The following FRMPD4 variants were observed in gnomAD, a reference collection of about 807,000 sequenced individuals.
The protein encoded by FRMPD4 is FERM and PDZ domain containing 4, also known as FERM and PDZ domain-containing protein 4.
A neutral mutation model predicts 94.1 loss-of-function variants in FRMPD4; 22 were observed. The ratio of observed to expected loss-of-function variants is 0.23; its 90% CI spans 0.17 to 0.33. The LOEUF (loss-of-function observed/expected upper bound fraction) is 0.33, where lower values mean the gene tolerates loss of function less well. Among genes scored for constraint, FRMPD4 ranks in the 10% least tolerant of loss-of-function variants. FRMPD4 has a pLI of 1.00. For missense variants in FRMPD4, 1,111 were observed against 1,339.9 expected, an observed-to-expected ratio of 0.83 and a Z score of 2.67; for synonymous variants, 631 against 548.6, an observed-to-expected ratio of 1.15 and a Z score of -2.10.
At chrX:12,717,198 G>T in intron 15 of FRMPD4, 65 bp downstream of exon 15, 1 of 736,499 alleles carries the variant, frequency 1.4e-6, no homozygotes, top group Middle Eastern at 4.4e-4. Flanking sequence ...CAAGCCATTT[G>T]CCCCTGGAGT....
intron 1 of FRMPD4, among the ~76,000 whole-genome samples, chrX:12,314,537 A>G (rs1477263780): frequency 1.8e-5 from 2 of 111,838 alleles, no homozygotes; most frequent in Non-Finnish European, 3.8e-5. Flanking sequence ...TAAAGGATGC[A>G]TAAAAATTAT....
At chrX:11,855,773 C>A (rs866706782) in intron 1 of FRMPD4, among the ~76,000 whole-genome samples, 9 of 111,955 alleles carry the variant, frequency 8.0e-5, no homozygotes, top group African/African-American at 2.9e-4. Flanking sequence ...CTTCTGAGCC[C>A]TTCAAGTTTC....
chrX:11,853,652 C>A (rs1443136236), intron 1 of FRMPD4, among the ~76,000 whole-genome samples: 3 of 111,409 alleles, frequency 2.7e-5, no homozygotes, highest in Non-Finnish European at 5.7e-5. Context: ...TACCTGGACA[C>A]TTACACCCTC....
intron 3 of FRMPD4, among the ~76,000 whole-genome samples, chrX:11,984,642 T>G (rs1207080594): frequency 8.9e-6 from 1 of 112,397 alleles, no homozygotes; most frequent in African/African-American, 3.2e-5. Flanking sequence ...GTTAATCATT[T>G]GTCCTCTTCA....
chrX:11,827,918 A>T (rs1403505327), intron 1 of FRMPD4, among the ~76,000 whole-genome samples: 1 of 111,972 alleles, frequency 8.9e-6, no homozygotes, highest in African/African-American at 3.2e-5. Context: ...TGGCAACATG[A>T]TATAAACAGG....
intron 1 of FRMPD4, among the ~76,000 whole-genome samples, chrX:12,226,589 C>T (rs1220674602): frequency 9.0e-6 from 1 of 111,200 alleles, no homozygotes; most frequent in Admixed American, 9.6e-5. Flanking sequence ...GCAGAAGACA[C>T]GATACCTGTG....
chrX:12,553,466 A>ATATATATC lies in FRMPD4; in HGVS notation c.158+54671_158+54672insATATATCT, dbSNP rs368999462. On this transcript the variant is annotated intron_variant, in intron 2 of 16. Coordinates refer to ENST00000675598, the MANE Select transcript of FRMPD4 (RefSeq NM_001368397.1). ...TATATATATATATATATATATATAT[A>ATATATATC]TCTAATCCACTAATTTATTTGCAAC... Among the ~76,000 whole-genome samples the ATATATATC allele has an allele frequency of 1.1e-3, 88 of 78,039 alleles. 1 individual carries two copies. Among genetic ancestry groups the ATATATATC allele is most frequent in the Admixed American group, 4.4e-3 (27 of 6,133 alleles). 67.8% of individuals were successfully genotyped at this position (78,039 alleles called of 115,157 possible). A position where few individuals can be genotyped will look rare whatever the true frequency, so the allele number is the denominator to read the frequency against.
At chrX:12,536,548 G>A (rs1191506324) in intron 2 of FRMPD4, among the ~76,000 whole-genome samples, 1 of 111,323 alleles carries the variant, frequency 9.0e-6, no homozygotes, top group Non-Finnish European at 1.9e-5. Context: ...AAACCTACTT[G>A]AACAATAAGT....
intron 4 of FRMPD4, among the ~76,000 whole-genome samples, chrX:12,637,665 G>C (rs919017750): frequency 4.5e-5 from 5 of 110,769 alleles, no homozygotes; most frequent in Non-Finnish European, 9.4e-5. Flanking sequence ...GGGTAACAGA[G>C]TGAGACTCTG....
chrX:12,059,540 GT>G (rs967393012), intron 3 of FRMPD4, among the ~76,000 whole-genome samples: 1 of 110,460 alleles, frequency 9.1e-6, no homozygotes, highest in African/African-American at 3.3e-5. Flanking sequence ...TGATGATGAG[GT>G]TTGGGGTACG....
At chrX:12,641,773 CT>C (rs775925509) in intron 4 of FRMPD4, among the ~76,000 whole-genome samples, 5 of 112,459 alleles carry the variant, frequency 4.4e-5, no homozygotes. Flanking sequence ...GAAAACTATG[CT>C]TTTCTAATAT....
intron 1 of FRMPD4, among the ~76,000 whole-genome samples, chrX:12,260,396 C>A (rs1355530047): frequency 8.9e-6 from 1 of 112,038 alleles, no homozygotes; most frequent in Non-Finnish European, 1.9e-5. Flanking sequence ...TCACCCAAAC[C>A]AGAAAACTAG....
intron 1 of FRMPD4, among the ~76,000 whole-genome samples, chrX:11,848,047 T>A (rs1044914105): frequency 1.9e-5 from 2 of 107,989 alleles, no homozygotes; most frequent in African/African-American, 3.4e-5. Flanking sequence ...ATAAAAAAAA[T>A]AAAAAATAAA....
intron 1 of FRMPD4, among the ~76,000 whole-genome samples, chrX:12,299,336 A>C (rs1256718957): frequency 9.0e-6 from 1 of 110,646 alleles, no homozygotes; most frequent in Non-Finnish European, 1.9e-5. Flanking sequence ...GAAGAAGAAG[A>C]CGAAGAAGAA....
intron 1 of FRMPD4, among the ~76,000 whole-genome samples, chrX:12,223,594 C>T (rs2056892685): frequency 8.9e-6 from 1 of 111,941 alleles, no homozygotes; most frequent in African/African-American, 3.3e-5. Flanking sequence ...CCACCTGAAC[C>T]TAAAATAAAA....
chrX:12,020,249 C>A (rs2054625721), intron 3 of FRMPD4, among the ~76,000 whole-genome samples: 1 of 112,330 alleles, frequency 8.9e-6, no homozygotes, highest in African/African-American at 3.2e-5. Flanking sequence ...CAGTACTTTG[C>A]ACATAGCAAG....
chrX:12,277,667 T>C (rs2054461637), intron 1 of FRMPD4, among the ~76,000 whole-genome samples: 1 of 112,051 alleles, frequency 8.9e-6, no homozygotes. Context: ...TAGGACCTGC[T>C]GTTTTCGAGT....
intron 2 of FRMPD4, among the ~76,000 whole-genome samples, chrX:12,592,806 G>A (rs977695570): frequency 6.2e-5 from 7 of 112,146 alleles, no homozygotes; most frequent in East Asian, 2.8e-4. Flanking sequence ...ATTATTCACC[G>A]TATAGCTAAT....
At chrX:12,421,765 GAAA>G (rs34571736) in intron 1 of FRMPD4, among the ~76,000 whole-genome samples, 8,239 of 69,583 alleles carry the variant, frequency 0.12, 1,264 homozygotes, top group African/African-American at 0.39. Context: ...CTATCTCAAA[GAAA>G]AAAAAAAAAA....
Sources: gnomAD v4.1 joint callset for allele counts (sites outside exome capture counted in the v4.1 genomes callset) on GRCh38, gnomAD v4.1.1 for gene constraint, MANE v1.5 for transcripts, NCBI Gene and HGNC (gene_info 2026-07-23, HGNC 2026-07-21) for gene names.